The following ADAM18 variants were observed in gnomAD, a reference collection of about 807,000 sequenced individuals.
The protein encoded by ADAM18 is disintegrin and metalloproteinase domain-containing protein 18.
ADAM18 carries 117 observed loss-of-function variants against 94.4 expected under a neutral mutation model. That is an observed-to-expected ratio of 1.24 (90% CI 1.07 to 1.45). The LOEUF is 1.45. Among genes scored for constraint, ADAM18 ranks in the 40% most tolerant of loss-of-function variants. The pLI is 0.00. For synonymous variants in ADAM18, 327 were observed against 291.6 expected (o/e 1.12, Z -1.24); for missense variants, 936 against 880.0 (o/e 1.06, Z -0.81).
intron 7 of ADAM18, among the ~76,000 whole-genome samples, chr8:39,633,383 T>A (rs1819984812): frequency 6.6e-6 from 1 of 152,212 alleles, no homozygotes; most frequent in Admixed American, 6.5e-5. Flanking sequence ...GTGATTCTGA[T>A]GAGAGCTCAT....
At chr8:39,689,383 A>G (rs1430983896) in intron 16 of ADAM18, among the ~76,000 whole-genome samples, 4 of 152,186 alleles carry the variant, frequency 2.6e-5, no homozygotes, top group African/African-American at 9.7e-5. Context: ...TGGTGTAAGG[A>G]AGCAGTCCAG....
intron 2 of ADAM18, among the ~76,000 whole-genome samples, chr8:39,604,348 T>G (rs1207582527): frequency 1.3e-5 from 2 of 152,210 alleles, no homozygotes; most frequent in African/African-American, 4.8e-5. Context: ...CCTTATAATG[T>G]CTATTTTTAT....
At chr8:39,696,350 AAT>A (rs963227001) in intron 17 of ADAM18, among the ~76,000 whole-genome samples, 28 of 135,392 alleles carry the variant, frequency 2.1e-4, no homozygotes, top group Middle Eastern at 3.6e-3. Context: ...CTGTCTTGAT[AAT>A]ATGTTTTGTG....
At chr8:39,692,509 C>T (rs1821809506) in intron 16 of ADAM18, 91 bp from the exon 17 acceptor site, 1 of 543,210 alleles carries the variant, frequency 1.8e-6, no homozygotes, top group Non-Finnish European at 3.1e-6. Context: ...TCAACTTAAG[C>T]ATCTCTTATA....
At chr8:39,712,410 C>T (rs1822437939) in intron 18 of ADAM18, among the ~76,000 whole-genome samples, 1 of 152,142 alleles carries the variant, frequency 6.6e-6, no homozygotes, top group Non-Finnish European at 1.5e-5. Flanking sequence ...TCTCACCACT[C>T]CTATTCAACA....
intron 2 of ADAM18, among the ~76,000 whole-genome samples, chr8:39,604,989 C>T (rs759969489): frequency 1.4e-4 from 22 of 152,138 alleles, no homozygotes; most frequent in Non-Finnish European, 2.6e-4. Flanking sequence ...CTTTGTTTTG[C>T]ATTCAGTCTG....
chr8:39,719,404 T>C (rs902548658), intron 18 of ADAM18, among the ~76,000 whole-genome samples: 1 of 151,340 alleles, frequency 6.6e-6, no homozygotes, highest in East Asian at 1.9e-4. Flanking sequence ...TCAGGGACTT[T>C]GAGCGCAGAT....
intron 13 of ADAM18, among the ~76,000 whole-genome samples, chr8:39,666,547 G>A (rs955482170): frequency 6.6e-6 from 1 of 152,130 alleles, no homozygotes; most frequent in African/African-American, 2.4e-5. Flanking sequence ...GCACACCTGA[G>A]ACTGGGAAAT....
intron 14 of ADAM18, among the ~76,000 whole-genome samples, chr8:39,672,626 T>C (rs929517078): frequency 6.6e-6 from 1 of 152,294 alleles, no homozygotes; most frequent in South Asian, 2.1e-4. Flanking sequence ...ACTCTGAATC[T>C]AAACCAATTT....
At chr8:39,715,810 C>T (rs1286639422) in intron 18 of ADAM18, among the ~76,000 whole-genome samples, 3 of 151,906 alleles carry the variant, frequency 2.0e-5, no homozygotes, top group South Asian at 2.1e-4. Flanking sequence ...AAAACCCTTC[C>T]GTTAAATAAG....
chr8:39,595,024 A>AT (rs919840809), intron 2 of ADAM18, among the ~76,000 whole-genome samples: 4 of 150,766 alleles, frequency 2.7e-5, no homozygotes, highest in African/African-American at 9.8e-5. Flanking sequence ...ATTTTTTGTC[A>AT]TTTTCTGGTA....
intron 12 of ADAM18, among the ~76,000 whole-genome samples, chr8:39,653,311 T>A (rs1484306331): frequency 3.3e-5 from 5 of 151,704 alleles, no homozygotes; most frequent in Non-Finnish European, 5.9e-5. Context: ...AATGTATTTT[T>A]AAAAAAAACA....
At chr8:39,706,203 TATC>T (rs1261532961) in intron 17 of ADAM18, among the ~76,000 whole-genome samples, 1 of 152,154 alleles carries the variant, frequency 6.6e-6, no homozygotes, top group African/African-American at 2.4e-5. Context: ...AATGGAATCT[TATC>T]ATAAAGTTGT....
In ADAM18 at chr8:39,610,573, T is replaced by C. The variant is rs1221313607; in HGVS notation, c.389T>C (p.Val130Ala). ...AATATCAGTTATGGAATTGAACCAG[T>C]AGAATCTTCAGCAAGATTTGAGCAT... is the stretch of plus-strand genomic sequence containing the variant. ...FENISYGIEP[V>A]ESSARFEHII... The change falls in exon 6 of 20, where the codon GTA (valine) becomes GCA (alanine). Residue 130 changes from valine (V) to alanine (A), a missense_variant. Val to Ala is a moderately conservative substitution (Grantham distance 64, BLOSUM62 0). Transcript: ENST00000265707. 1 of 1,611,850 alleles carries C rather than the reference T, an allele frequency of 6.2e-7. No homozygotes were observed. Among genetic ancestry groups the C allele is most frequent in the Admixed American group, 1.7e-5 (1 of 59,832 alleles).
intron 10 of ADAM18, 74 bp downstream of exon 10, chr8:39,638,620 T>G (rs1195716571): frequency 1.9e-5 from 16 of 838,306 alleles, no homozygotes; most frequent in Middle Eastern, 3.6e-4. Context: ...TTAATTTAAG[T>G]AGTTAAATAG....
chr8:39,663,955 T>G (rs1820922594), intron 13 of ADAM18, 65 bp downstream of exon 13: 3 of 1,014,952 alleles, frequency 3.0e-6, no homozygotes, highest in Middle Eastern at 2.1e-4. Context: ...ATTAACTGAA[T>G]CAATGTGCAA....
At chr8:39,667,915 C>T in intron 13 of ADAM18, 83 bp from the exon 14 acceptor site, 2 of 1,385,350 alleles carry the variant, frequency 1.4e-6, no homozygotes, top group Non-Finnish European at 2.0e-6. Flanking sequence ...TAATTAGAAA[C>T]ATTTTATGTG....
chr8:39,719,227 C>A (rs1371177376), intron 18 of ADAM18, among the ~76,000 whole-genome samples: 1 of 151,250 alleles, frequency 6.6e-6, no homozygotes, highest in Admixed American at 6.6e-5. Context: ...CAAAGCAATA[C>A]AATGGATAAA....
At chr8:39,644,294 G>C (rs1381317306) in intron 10 of ADAM18, among the ~76,000 whole-genome samples, 1 of 151,888 alleles carries the variant, frequency 6.6e-6, no homozygotes, top group Non-Finnish European at 1.5e-5. Context: ...TTTATTTTTT[G>C]TTTTGTTTTG....
Sources: allele counts gnomAD v4.1 joint callset (sites outside exome capture counted in the v4.1 genomes callset), GRCh38; gene constraint gnomAD v4.1.1; transcripts MANE v1.5; gene names NCBI Gene and HGNC (gene_info 2026-07-23, HGNC 2026-07-21).